Variants in CCDC7 observed in about 807,000 individuals in gnomAD.
CCDC7 encodes the protein coiled-coil domain-containing protein 7.
A neutral mutation model predicts 196.9 loss-of-function variants in CCDC7; 183 were observed. That is an observed-to-expected ratio of 0.93 (90% CI 0.82 to 1.05). The LOEUF is 1.05. CCDC7 is among the 50% of genes least tolerant of loss of function. The pLI is 0.00. For synonymous variants in CCDC7, 525 were observed against 484.6 expected, an observed-to-expected ratio of 1.08 and a Z score of -1.10; for missense variants, 1,540 against 1,482.2, an observed-to-expected ratio of 1.04 and a Z score of -0.64.
chr10:32,564,564 C>T (rs939093169), intron 13 of CCDC7, among the ~76,000 whole-genome samples: 28 of 151,486 alleles, frequency 1.8e-4, no homozygotes, highest in African/African-American at 6.5e-4. Flanking sequence ...AAAAACCAAA[C>T]ACCGCATATT....
At chr10:32,648,189 G>T (rs759643036) in intron 20 of CCDC7, among the ~76,000 whole-genome samples, 3 of 152,098 alleles carry the variant, frequency 2.0e-5, no homozygotes, top group Non-Finnish European at 2.9e-5. Flanking sequence ...TGGATTGTGT[G>T]TCTGTTTTTG....
chr10:32,454,619 G>T (rs1462293751), intron 2 of CCDC7, among the ~76,000 whole-genome samples: 1 of 151,594 alleles, frequency 6.6e-6, no homozygotes, highest in East Asian at 1.9e-4. Flanking sequence ...ATGAAATTAA[G>T]TTCACTTTCC....
chr10:32,742,290 C>T (rs1047582033), intron 28 of CCDC7, among the ~76,000 whole-genome samples: 1 of 152,150 alleles, frequency 6.6e-6, no homozygotes, highest in African/African-American at 2.4e-5. Context: ...CTGTCAGCAT[C>T]CTGCACCAGA....
chr10:32,464,896 A>G (rs1018169529), intron 5 of CCDC7, among the ~76,000 whole-genome samples: 7 of 152,090 alleles, frequency 4.6e-5, no homozygotes, highest in Non-Finnish European at 1.0e-4. Flanking sequence ...CAGTTTTTAA[A>G]TATGCTCTTC....
chr10:32,600,086 A>G (rs2060835033), intron 18 of CCDC7, among the ~76,000 whole-genome samples: 1 of 151,626 alleles, frequency 6.6e-6, no homozygotes, highest in African/African-American at 2.4e-5. Context: ...TAATTTTAGG[A>G]TTTTTTTCTG....
intron 9 of CCDC7, chr10:32,512,491 C>T (rs1178925200): frequency 1.3e-5 from 2 of 152,078 alleles, no homozygotes; most frequent in Non-Finnish European, 2.9e-5. Context: ...CAGTGATTAG[C>T]TAGGGCATAG....
upstream of CCDC7, among the ~76,000 whole-genome samples, chr10:32,448,343 C>A (rs2505392): frequency 0.83 from 125,268 of 151,628 alleles, 52,504 homozygotes; most frequent in Non-Finnish European, 0.9. Context: ...TAGTCTCTTA[C>A]ACATATATAT....
At chr10:32,879,526 A>G (rs980701025), downstream of CCDC7, among the ~76,000 whole-genome samples, 1 of 152,094 alleles carries the variant, frequency 6.6e-6, no homozygotes, top group East Asian at 1.9e-4. Context: ...CAAACAATGA[A>G]TCAACCAACC....
chr10:32,544,442 T>G, intron 13 of CCDC7, 141 bp downstream of exon 14: 1 of 724,212 alleles, frequency 1.4e-6, no homozygotes, highest in Non-Finnish European at 2.0e-6. Flanking sequence ...GTGTGTGTAC[T>G]AAAATTCTTC....
chr10:32,587,995 A>T (rs1386980075), intron 18 of CCDC7, among the ~76,000 whole-genome samples: 6 of 152,192 alleles, frequency 3.9e-5, no homozygotes, highest in Admixed American at 3.9e-4. Flanking sequence ...ACATGAATAA[A>T]TTAATCCATT....
At chr10:32,599,502 C>T (rs1437891161) in intron 18 of CCDC7, among the ~76,000 whole-genome samples, 3 of 152,142 alleles carry the variant, frequency 2.0e-5, no homozygotes, top group Non-Finnish European at 4.4e-5. Context: ...GCATTTTCCT[C>T]CTTTAGCATC....
At chr10:32,596,405 C>CT (rs776575133) in intron 18 of CCDC7, among the ~76,000 whole-genome samples, 70 of 151,912 alleles carry the variant, frequency 4.6e-4, no homozygotes, top group Middle Eastern at 3.4e-3. Flanking sequence ...TCCTCCATCC[C>CT]TTTTTTTTGA....
At chr10:32,768,919 A>G (rs774438423) in intron 28 of CCDC7, among the ~76,000 whole-genome samples, 4 of 152,162 alleles carry the variant, frequency 2.6e-5, no homozygotes, top group Non-Finnish European at 4.4e-5. Context: ...TTGGTTTGCT[A>G]GCATTTTGTT....
At chr10:32,712,024 A>G (rs80118953) in intron 25 of CCDC7, among the ~76,000 whole-genome samples, 401 of 152,256 alleles carry the variant, frequency 2.6e-3, no homozygotes, top group Non-Finnish European at 4.6e-3. Context: ...GCTGCTGGCC[A>G]TTTATGGGCA....
intron 9 of CCDC7, among the ~76,000 whole-genome samples, chr10:32,508,621 A>G (rs2135254212): frequency 6.6e-6 from 1 of 152,158 alleles, no homozygotes; most frequent in East Asian, 1.9e-4. Context: ...GAAGCACATT[A>G]CTTTCTTATT....
At chr10:32,673,814 A>AT (rs2074476792) in intron 21 of CCDC7, among the ~76,000 whole-genome samples, 1 of 151,630 alleles carries the variant, frequency 6.6e-6, no homozygotes, top group African/African-American at 2.4e-5. Context: ...CAAGTTTTCC[A>AT]TTTTTTCTTG....
At chr10:32,703,631 C>A (rs1425213909) in intron 24 of CCDC7, among the ~76,000 whole-genome samples, 1 of 152,110 alleles carries the variant, frequency 6.6e-6, no homozygotes, top group Admixed American at 6.5e-5. Flanking sequence ...GTTCCATTCA[C>A]CCCTTCACTT....
At chr10:32,820,457 A>G (rs1291837619) in intron 31 of CCDC7, among the ~76,000 whole-genome samples, 1 of 152,200 alleles carries the variant, frequency 6.6e-6, no homozygotes, top group Non-Finnish European at 1.5e-5. Flanking sequence ...CAGAATTGGA[A>G]AAAACTACTT....
intron 20 of CCDC7, among the ~76,000 whole-genome samples, chr10:32,660,906 T>C (rs71493140): frequency 0.12 from 17,165 of 138,538 alleles, 525 homozygotes; most frequent in East Asian, 0.22. Flanking sequence ...ATTCAGGACA[T>C]AGGCATGGGC....
Sources: allele counts gnomAD v4.1 joint callset (sites outside exome capture counted in the v4.1 genomes callset), GRCh38; gene constraint gnomAD v4.1.1; transcripts MANE v1.5; gene names NCBI Gene and HGNC (gene_info 2026-07-23, HGNC 2026-07-21).